ETF1: variants seen among roughly 807,000 people sequenced by gnomAD.
ETF1 encodes the protein eukaryotic peptide chain release factor subunit 1.
In ETF1, 4 loss-of-function variants were observed where a neutral mutation model predicts 55.1. That is an observed-to-expected ratio of 0.07 (90% CI 0.04 to 0.17). ETF1 has a LOEUF of 0.17. Among genes scored for constraint, ETF1 ranks in the 10% least tolerant of loss-of-function variants. ETF1 has a pLI of 1.00. For synonymous variants in ETF1, 157 were observed against 182.3 expected (o/e 0.86, Z 1.12); for missense variants, 142 against 523.6 (o/e 0.27, Z 7.11).
At chr5:138,508,416 C>T (rs774143894) in intron 10 of ETF1, 29 bp from the exon 11 acceptor site, 4 of 1,612,254 alleles carry the variant, frequency 2.5e-6, no homozygotes, top group Non-Finnish European at 3.4e-6. Flanking sequence ...AGGTAAATTA[C>T]CTGTGTTCAT....
chr5:138,543,127 G>T lies in ETF1; in HGVS notation c.-49C>A. ...GGCCCAGTCCTGGGCGGCAGCGGCTGCTCCTCCCCGGCGGCGGCTCCGCGG... is the reference window on the plus strand; with the variant it reads ...GGCCCAGTCCTGGGCGGCAGCGGCTTCTCCTCCCCGGCGGCGGCTCCGCGG... On this transcript the variant is annotated 5_prime_UTR_variant, in exon 1 of 11. Transcript: ENST00000360541. The T allele has an allele frequency of 1.7e-6, 1 of 587,144 alleles. No homozygotes were observed. Among genetic ancestry groups the T allele is most frequent in the Non-Finnish European group, 3.0e-6 (1 of 337,914 alleles). The allele number at this position is 587,144 out of a possible 1,614,324, so 36.4% of individuals were successfully genotyped here. A position where few individuals can be genotyped will look rare whatever the true frequency, so the allele number is the denominator to read the frequency against.
chr5:138,518,997 T>C (rs932914237), intron 2 of ETF1, 130 bp from the exon 3 acceptor site: 102 of 1,489,722 alleles, frequency 6.8e-5, no homozygotes, highest in Non-Finnish European at 8.3e-5. Context: ...AAAGGAGTAA[T>C]GTAGGGACTA....
intron 6 of ETF1, among the ~76,000 whole-genome samples, chr5:138,512,167 C>T (rs1764809575): frequency 8.4e-6 from 1 of 118,884 alleles, no homozygotes; most frequent in African/African-American, 3.3e-5. Flanking sequence ...CACTGCACTC[C>T]AGCCTAGGCA....
intron 2 of ETF1, among the ~76,000 whole-genome samples, chr5:138,522,167 C>T (rs1301649647): frequency 6.6e-6 from 1 of 151,904 alleles, no homozygotes; most frequent in Non-Finnish European, 1.5e-5. Context: ...AACCCAAAAA[C>T]CGACCTTTGG....
intron 2 of ETF1, among the ~76,000 whole-genome samples, chr5:138,526,004 C>T (rs1765457506): frequency 2.0e-5 from 3 of 150,456 alleles, no homozygotes; most frequent in African/African-American, 7.3e-5. Flanking sequence ...TCTGATATTT[C>T]ACGAGACTGT....
intron 2 of ETF1, among the ~76,000 whole-genome samples, chr5:138,532,946 T>C (rs1209018567): frequency 6.7e-6 from 1 of 148,880 alleles, no homozygotes; most frequent in African/African-American, 2.4e-5. Flanking sequence ...ATAAGCTTCT[T>C]TTTTTTTTTT....
At position 138,542,913 on chromosome 5, in the gene ETF1, C is replaced by T. The variant is rs375312012; in HGVS notation, c.6G>A (p.Ala2=). Residue 2 remains alanine (A), a synonymous_variant, in exon 2 of 11, where the codon GCG becomes GCA. Transcript: ENST00000360541. ...TCCTGTCGGCAGCACTGGGGTCGTC[C>T]GCCATCTTCTCGCCTCCTCCTCCCT... The part of the protein sequence containing the change: M[A]DDPSAADRNV... 17 of 1,613,570 alleles carry T rather than the reference C, an allele frequency of 1.1e-5. No individual in the cohort carries two copies. The highest frequency in any genetic ancestry group is 1.4e-5 in the Non-Finnish European group (16 of 1,179,900).
chr5:138,517,538 A>G, intron 4 of ETF1, 23 bp downstream of exon 4: 11 of 1,491,120 alleles, frequency 7.4e-6, no homozygotes, highest in African/African-American at 1.4e-5. Context: ...AGCGATGAAA[A>G]TGTTCTGGGT....
At chr5:138,516,652 A>C (rs1428701383) in intron 4 of ETF1, among the ~76,000 whole-genome samples, 1 of 152,236 alleles carries the variant, frequency 6.6e-6, no homozygotes, top group Non-Finnish European at 1.5e-5. Context: ...AAACATGCTG[A>C]ATGACTAGTG....
At chr5:138,523,473 G>A (rs577781601) in intron 2 of ETF1, among the ~76,000 whole-genome samples, 156 of 152,334 alleles carry the variant, frequency 1.0e-3, no homozygotes, top group African/African-American at 3.6e-3. Flanking sequence ...GGTGGGGGAT[G>A]CAGTGAGCCG....
chr5:138,534,668 G>C (rs1311479400), intron 2 of ETF1, among the ~76,000 whole-genome samples: 1 of 152,210 alleles, frequency 6.6e-6, no homozygotes, highest in Non-Finnish European at 1.5e-5. Context: ...CCATGGACAA[G>C]AGTCTTCCTT....
rs1002514923 is a variant in ETF1 at position 138,519,195 on chromosome 5, G to A, written c.87-328C>T. The stretch of plus-strand genomic sequence containing the variant: ...AGGAGTGTCAACAGGCTGGAATTTG[G>A]TAGTGAATCTGTCCGTGGGAGAGCC... On this transcript the variant is annotated intron_variant, in intron 2 of 10. Coordinates refer to ENST00000360541, the MANE Select transcript of ETF1 (RefSeq NM_004730.4). 8 of 985,012 alleles carry A rather than the reference G, an allele frequency of 8.1e-6. No homozygotes were observed. In the East Asian group the frequency reaches 4.5e-4, roughly 56 times the overall value. 61.0% of individuals were successfully genotyped at this position (985,012 alleles called of 1,614,324 possible). A position where few individuals can be genotyped will look rare whatever the true frequency, so the allele number is the denominator to read the frequency against.
intron 2 of ETF1, among the ~76,000 whole-genome samples, chr5:138,528,894 C>T (rs529033996): frequency 5.3e-4 from 80 of 152,154 alleles, no homozygotes; most frequent in African/African-American, 1.9e-3. Flanking sequence ...TGTCTGTAAT[C>T]CCAGGACTTT....
At chr5:138,528,839 A>G (rs1765580707) in intron 2 of ETF1, among the ~76,000 whole-genome samples, 1 of 152,050 alleles carries the variant, frequency 6.6e-6, no homozygotes, top group African/African-American at 2.4e-5. Flanking sequence ...GATGTTTTGT[A>G]TGTTAGGTTT....
At position 138,512,197 on chromosome 5, in the gene ETF1, C is replaced by CAAAAAAAA. The variant is rs58386195; in HGVS notation, c.732+559_732+566dup. 2.8e-3 allele frequency among the ~76,000 whole-genome samples: 8 copies of CAAAAAAAA among 2,842 alleles called. 2 individuals carry two copies. The highest frequency in any genetic ancestry group is 4.5e-3 in the Non-Finnish European group (8 of 1,796). The allele number at this position is 2,842 out of a possible 152,430, so 1.9% of individuals were successfully genotyped here. A position where few individuals can be genotyped will look rare whatever the true frequency, so the allele number is the denominator to read the frequency against. On this transcript the variant is annotated intron_variant, in intron 6 of 10. Coordinates refer to ENST00000360541, the MANE Select transcript of ETF1 (RefSeq NM_004730.4). ...TAGGCAAGATAGCCAGACCCAGTCT[C>CAAAAAAAA]AAAAAAAAAAAAAAAAAAAAAAAAA...
At chr5:138,535,025 A>G (rs1460257459) in intron 2 of ETF1, among the ~76,000 whole-genome samples, 1 of 144,740 alleles carries the variant, frequency 6.9e-6, no homozygotes, top group East Asian at 2.0e-4. Flanking sequence ...GTATTGGCTC[A>G]CTGCAACTTC....
At position 138,518,589 on chromosome 5, in the gene ETF1, G is replaced by C. The variant is rs1209308015; in HGVS notation, c.262+103C>G. The C allele has an allele frequency of 8.2e-6, 8 of 978,730 alleles. No homozygotes were observed. In the Admixed American group the frequency reaches 1.9e-4, roughly 23 times the overall value. The allele number at this position is 978,730 out of a possible 1,614,324, so 60.6% of individuals were successfully genotyped here. Reference sequence around the variant, plus strand: ...CAAGGCCAAAGAGACACTGATGACAGCCGACTTAAGGGAACATTAGTGAAC... The same window carrying C: ...CAAGGCCAAAGAGACACTGATGACACCCGACTTAAGGGAACATTAGTGAAC... On this transcript the variant is annotated intron_variant, in intron 3 of 10. Coordinates refer to ENST00000360541, the MANE Select transcript of ETF1 (RefSeq NM_004730.4).
chr5:138,540,032 C>T lies in ETF1; in HGVS notation c.86+2801G>A, dbSNP rs139311183. The stretch of plus-strand genomic sequence containing the variant: ...TAAATTATTTTGCCAACATACTTCC[C>T]TTTATTCAGATGTAGTTAGTGAGCC... On this transcript the variant is annotated intron_variant, in intron 2 of 10. Transcript: ENST00000360541. Among the ~76,000 whole-genome samples, 696 of 152,252 alleles carry T rather than the reference C, an allele frequency of 4.6e-3. 12 individuals are homozygous for T. The highest frequency in any genetic ancestry group is 0.035 in the Admixed American group (540 of 15,286).
chr5:138,516,958 A>C (rs191824768), intron 4 of ETF1, among the ~76,000 whole-genome samples: 2 of 152,348 alleles, frequency 1.3e-5, no homozygotes, highest in Admixed American at 1.3e-4. Flanking sequence ...ATACAATGGA[A>C]TACTACTTGG....
Sources: allele counts gnomAD v4.1 joint callset (sites outside exome capture counted in the v4.1 genomes callset), GRCh38; gene constraint gnomAD v4.1.1; transcripts MANE v1.5; gene names NCBI Gene and HGNC (gene_info 2026-07-23, HGNC 2026-07-21).